The following ASAP1 variants were observed in gnomAD, a reference collection of about 807,000 sequenced individuals.
ASAP1 encodes ArfGAP with SH3 domain, ankyrin repeat and PH domain 1.
A neutral mutation model predicts 145.2 loss-of-function variants in ASAP1; 43 were observed. That is an observed-to-expected ratio of 0.30 (90% CI 0.23 to 0.38). The LOEUF is 0.38. Among genes scored for constraint, ASAP1 ranks in the 10% least tolerant of loss-of-function variants. ASAP1 has a pLI of 1.00. For synonymous variants in ASAP1, 546 were observed against 515.5 expected, an observed-to-expected ratio of 1.06 and a Z score of -0.80; for missense variants, 1,018 against 1,355.3, an observed-to-expected ratio of 0.75 and a Z score of 3.91.
At chr8:130,224,725 C>T (rs186090245) in intron 4 of ASAP1, among the ~76,000 whole-genome samples, 16 of 152,244 alleles carry the variant, frequency 1.1e-4, no homozygotes, top group Admixed American at 2.6e-4. Context: ...AATAAATACG[C>T]CTGCTGAAAG....
chr8:130,064,497 G>T (rs184384237), intron 27 of ASAP1, among the ~76,000 whole-genome samples: 1 of 152,210 alleles, frequency 6.6e-6, no homozygotes, highest in East Asian at 1.9e-4. Flanking sequence ...GTTTTAAGTA[G>T]AGAAGCCTGT....
At chr8:130,382,102 C>T (rs966148957) in intron 2 of ASAP1, among the ~76,000 whole-genome samples, 25 of 152,050 alleles carry the variant, frequency 1.6e-4, no homozygotes, top group South Asian at 8.3e-4. Context: ...CTGGCTAACA[C>T]GGTGAAACCC....
intron 12 of ASAP1, among the ~76,000 whole-genome samples, chr8:130,153,462 C>T (rs1170637948): frequency 6.7e-6 from 1 of 149,808 alleles, no homozygotes; most frequent in Non-Finnish European, 1.5e-5. Flanking sequence ...CTTGACTTCT[C>T]AGACTCATAT....
rs191075639 is a variant in ASAP1 at position 130,193,463 on chromosome 8, C to A, written c.406-5280G>T. On this transcript the variant is annotated intron_variant, in intron 5 of 29. Transcript: ENST00000518721. ...AATAATACACAGAAATCTGTTGATA[C>A]CAATTTCCTCCAGGGTTGGAAACTG... Among the ~76,000 whole-genome samples, 15 of 152,054 alleles carry A rather than the reference C, an allele frequency of 9.9e-5. No homozygotes were observed. In the East Asian group the frequency reaches 2.9e-3, roughly 29 times the overall value.
chr8:130,424,543 TC>T (rs946628494), intron 1 of ASAP1, among the ~76,000 whole-genome samples: 7 of 152,108 alleles, frequency 4.6e-5, no homozygotes, highest in African/African-American at 1.4e-4. Context: ...AATTTAATCT[TC>T]CCAGTGACAT....
chr8:130,341,252 T>A (rs1454414905), intron 3 of ASAP1, among the ~76,000 whole-genome samples: 1 of 152,118 alleles, frequency 6.6e-6, no homozygotes, highest in Non-Finnish European at 1.5e-5. Flanking sequence ...AATGGATGTA[T>A]GGCTCAAGTG....
chr8:130,432,382 C>T (rs143301685), intron 1 of ASAP1, among the ~76,000 whole-genome samples: 33 of 151,942 alleles, frequency 2.2e-4, no homozygotes, highest in African/African-American at 8.0e-4. Context: ...AACAGCAAGA[C>T]TGTGAAAGTA....
chr8:130,391,084 G>A (rs1020504069), intron 2 of ASAP1, among the ~76,000 whole-genome samples: 4 of 152,124 alleles, frequency 2.6e-5, no homozygotes, highest in Non-Finnish European at 5.9e-5. Context: ...TACATACAAT[G>A]GAATGTTATT....
chr8:130,054,374 G>C lies in ASAP1; in HGVS notation c.*357C>G, dbSNP rs762291650. ...AGAATACTGCATTGTTAGGAACAGA[G>C]TCAATTCTATGCCTTTCAACGGTTG... On this transcript the variant is annotated 3_prime_UTR_variant, in exon 30 of 30. Coordinates refer to ENST00000518721, the MANE Select transcript of ASAP1 (RefSeq NM_018482.4). The C allele has an allele frequency of 2.9e-4, 63 of 220,604 alleles. No individual in the cohort carries two copies. Among genetic ancestry groups the C allele is most frequent in the Non-Finnish European group, 5.3e-4 (56 of 105,870 alleles). The allele number at this position is 220,604 out of a possible 1,614,324, so 13.7% of individuals were successfully genotyped here.
chr8:130,107,476 T>C (rs542983232), intron 24 of ASAP1, among the ~76,000 whole-genome samples: 25 of 149,926 alleles, frequency 1.7e-4, no homozygotes, highest in Admixed American at 4.0e-4. Context: ...TGAGCCACCA[T>C]GCCCGGCCCA....
At chr8:130,077,265 T>C (rs1241733862) in intron 26 of ASAP1, among the ~76,000 whole-genome samples, 1 of 152,238 alleles carries the variant, frequency 6.6e-6, no homozygotes, top group African/African-American at 2.4e-5. Flanking sequence ...CCCAAGTCCC[T>C]GGAATACAGG....
rs772911449 is a variant in ASAP1 at position 130,159,953 on chromosome 8, G to A, written c.921C>T (p.Ser307=). 16 of 1,613,638 alleles carry A rather than the reference G, an allele frequency of 9.9e-6. No homozygotes were observed. The highest frequency in any genetic ancestry group is 1.2e-5 in the Non-Finnish European group (14 of 1,179,786). The change falls in exon 12 of 30, where the codon AGC becomes AGT. Residue 307 remains serine (S), a synonymous_variant. Coordinates refer to ENST00000518721, the MANE Select transcript of ASAP1 (RefSeq NM_018482.4). ...LQLDQKEDSQ[S]RQGGYSMHQL... ...GATGCATGCTGTATCCTCCTTGCCGGCTCTGAGAATCCTAGGAAAGAAAAA... is the reference window on the plus strand; with the variant it reads ...GATGCATGCTGTATCCTCCTTGCCGACTCTGAGAATCCTAGGAAAGAAAAA...
chr8:130,233,431 T>C (rs1818028817), intron 4 of ASAP1, among the ~76,000 whole-genome samples: 1 of 152,190 alleles, frequency 6.6e-6, no homozygotes. Flanking sequence ...CTGGGCTCTC[T>C]TTCCATTATT....
chr8:130,072,154 G>C (rs1009317061), intron 27 of ASAP1, among the ~76,000 whole-genome samples: 4 of 152,208 alleles, frequency 2.6e-5, no homozygotes, highest in African/African-American at 9.7e-5. Flanking sequence ...AGAGGACAGG[G>C]TTCAGTGAGC....
chr8:130,132,551 C>A (rs1252853884), intron 15 of ASAP1, among the ~76,000 whole-genome samples: 1 of 152,186 alleles, frequency 6.6e-6, no homozygotes, highest in Non-Finnish European at 1.5e-5. Context: ...TGAGGAACAA[C>A]CCCAGGAAAC....
At chr8:130,311,163 G>A (rs1302136557) in intron 3 of ASAP1, among the ~76,000 whole-genome samples, 1 of 152,206 alleles carries the variant, frequency 6.6e-6, no homozygotes, top group Non-Finnish European at 1.5e-5. Flanking sequence ...GACTACAAGT[G>A]ACAAGTGCAA....
chr8:130,155,513 T>C (rs1168744977), intron 12 of ASAP1, among the ~76,000 whole-genome samples: 11 of 152,174 alleles, frequency 7.2e-5, no homozygotes, highest in Non-Finnish European at 1.6e-4. Flanking sequence ...CCTACAAGCA[T>C]GTGCCACTAC....
chr8:130,206,684 C>T (rs902033551), intron 5 of ASAP1, among the ~76,000 whole-genome samples: 1 of 152,208 alleles, frequency 6.6e-6, no homozygotes, highest in African/African-American at 2.4e-5. Context: ...ACCTAGAATA[C>T]TTCCGGGTGA....
At chr8:130,272,022 C>T (rs1355940195) in intron 3 of ASAP1, among the ~76,000 whole-genome samples, 1 of 151,952 alleles carries the variant, frequency 6.6e-6, no homozygotes, top group Non-Finnish European at 1.5e-5. Context: ...CTTACTGTCA[C>T]TAAAAGGCTG....
Sources: allele counts gnomAD v4.1 joint callset (sites outside exome capture counted in the v4.1 genomes callset), GRCh38; gene constraint gnomAD v4.1.1; transcripts MANE v1.5; gene names NCBI Gene and HGNC (gene_info 2026-07-23, HGNC 2026-07-21).